NUMBL: variants seen among roughly 807,000 people sequenced by gnomAD.
NUMBL encodes the protein NUMB like endocytic adaptor protein.
NUMBL carries 20 observed loss-of-function variants against 48.9 expected under a neutral mutation model. The ratio of observed to expected loss-of-function variants is 0.41; its 90% CI spans 0.29 to 0.59. The LOEUF is 0.59. Among genes scored for constraint, NUMBL ranks in the 20% least tolerant of loss-of-function variants. NUMBL has a pLI of 0.31. For synonymous variants in NUMBL, 340 were observed against 348.7 expected (o/e 0.98, Z 0.28); for missense variants, 660 against 846.2 (o/e 0.78, Z 2.73).
In NUMBL at chr19:40,667,798, T is replaced by C; in HGVS notation, c.1500A>G (p.Pro500=). 7 of 1,583,536 alleles carry C rather than the reference T, an allele frequency of 4.4e-6. No homozygotes were observed. In the South Asian group the frequency reaches 6.9e-5, roughly 16 times the overall value. Residue 500 remains proline (P), a synonymous_variant, in exon 10 of 10, where the codon CCA becomes CCG. Transcript: ENST00000252891. This position sits in a 1 kb window ranked among gnomAD's most constrained non-coding sequence, Gnocchi z 6.1. ...CCACCACGGGCACCCGGGGCATCGG[T>C]GGGTAGCCCAAGCCCGGGTAGGCGG... ...FVPAYPGLGY[P]PMPRVPVVGI... is the part of the protein sequence containing the mutation.
intron 1 of NUMBL, among the ~76,000 whole-genome samples, chr19:40,689,294 C>T (rs1281154602): frequency 6.6e-6 from 1 of 152,140 alleles, no homozygotes; most frequent in Non-Finnish European, 1.5e-5. Flanking sequence ...CAACCATGCA[C>T]ACCTCCAAAC....
Position 40,686,918 on chromosome 19 carries a change from C to T in NUMBL, c.102G>A (p.Thr34=), listed in dbSNP as rs896233988. Residue 34 remains threonine (T), a synonymous_variant, in exon 2 of 10, where the codon ACG becomes ACA. Transcript: ENST00000252891. ...CCCAGGCTGGTCGCTCACCTGGCTC[C>T]GTCCTGCAGGTTTCTGGGGGCCCCG... ...GAPGPPETCR[T]EPDGAGTMNK... 18 of 1,541,470 alleles carry T rather than the reference C, an allele frequency of 1.2e-5. No individual in the cohort carries two copies. The East Asian group carries it at 2.2e-4, about 19-fold the overall frequency.
At chr19:40,668,568 C>T (rs572637188) in intron 9 of NUMBL, among the ~76,000 whole-genome samples, 51 of 152,264 alleles carry the variant, frequency 3.3e-4, no homozygotes, top group African/African-American at 1.2e-3. Context: ...AAGCAATTCT[C>T]GTGCCTCAGT....
At chr19:40,676,396 C>A (rs1037312415) in intron 7 of NUMBL, among the ~76,000 whole-genome samples, 3 of 151,572 alleles carry the variant, frequency 2.0e-5, no homozygotes, top group African/African-American at 7.3e-5. Context: ...TCAACTCAGA[C>A]AACAAAACAA....
At chr19:40,683,555 C>T (rs2561541) in intron 3 of NUMBL, among the ~76,000 whole-genome samples, 34,529 of 152,060 alleles carry the variant, frequency 0.23, 4,181 homozygotes, top group African/African-American at 0.31. Flanking sequence ...GGGAAGGGAA[C>T]GTAAGGTGGT....
chr19:40,678,598 T>A (rs754191313), intron 6 of NUMBL, among the ~76,000 whole-genome samples: 1 of 152,202 alleles, frequency 6.6e-6, no homozygotes, highest in Non-Finnish European at 1.5e-5. Flanking sequence ...TTTGACACCC[T>A]GACCTCAGGT....
chr19:40,687,912 C>T lies in NUMBL; in HGVS notation c.25-917G>A, dbSNP rs936440682. 1.8e-4 allele frequency among the ~76,000 whole-genome samples: 28 copies of T among 152,334 alleles called. No homozygotes were observed. Among genetic ancestry groups the T allele is most frequent in the African/African-American group, 6.7e-4 (28 of 41,574 alleles). ...GTCACACCAACACACTGTTTTTGGC[C>T]ACACACTGTCACGTGGTCACACATA... On this transcript the variant is annotated intron_variant, in intron 1 of 9. Transcript: ENST00000252891. The surrounding 1 kb of genome is among the most constrained non-coding windows in gnomAD (Gnocchi z 4.6).
intron 1 of NUMBL, among the ~76,000 whole-genome samples, chr19:40,689,405 C>A (rs1236669339): frequency 6.6e-6 from 1 of 152,048 alleles, no homozygotes; most frequent in Non-Finnish European, 1.5e-5. Context: ...ATCATAGACA[C>A]CACCACAAGC....
In NUMBL at chr19:40,669,931, C is replaced by T. The variant is rs145525278; in HGVS notation, c.1126G>A (p.Ala376Thr). Residue 376 changes from alanine (A) to threonine (T), a missense_variant, in exon 9 of 10, where the codon GCG becomes ACG. Ala to Thr is a moderately conservative substitution (Grantham distance 58, BLOSUM62 0). Around this residue, in one of 3 missense-constraint regions of NUMBL, gnomAD observed 296 missense variants for 339.7 expected, o/e 0.87. Coordinates refer to ENST00000252891, the MANE Select transcript of NUMBL (RefSeq NM_004756.5). ...QISSSFASAG[A>T]PAPGPPPATT... ...GCAGGTGGTGGCCCTGGTGCTGGCG[C>T]TCCAGCACTGGCAAAAGATGAACTG... 2.9e-5 allele frequency: 47 copies of T among 1,613,906 alleles called. No homozygotes were observed. In the Admixed American group the frequency reaches 4.0e-4, roughly 14 times the overall value.
At chr19:40,674,647 A>C (rs1433448014) in intron 7 of NUMBL, among the ~76,000 whole-genome samples, 2 of 152,078 alleles carry the variant, frequency 1.3e-5, no homozygotes, top group African/African-American at 2.4e-5. Context: ...GGCCTGGCCC[A>C]AGGCAGTGGA....
rs550605237 is a variant in NUMBL, at chr19:40,687,542, A to G, written c.25-547T>C. On this transcript the variant is annotated intron_variant, in intron 1 of 9. Transcript: ENST00000252891. This position sits in a 1 kb window ranked among gnomAD's most constrained non-coding sequence, Gnocchi z 4.6. Reference sequence around the variant, plus strand: ...CTGGCCCACTCAGTTCCCACCGCAGACACCTGGTCACACCACCCACTGAAA... The same window carrying G: ...CTGGCCCACTCAGTTCCCACCGCAGGCACCTGGTCACACCACCCACTGAAA... 6.6e-6 allele frequency among the ~76,000 whole-genome samples: 1 copy of G among 152,172 alleles called. No homozygotes were observed. The highest frequency in any genetic ancestry group is 6.5e-5 in the Admixed American group (1 of 15,280).
chr19:40,678,383 G>A (rs1019336322), intron 6 of NUMBL, among the ~76,000 whole-genome samples: 7 of 152,252 alleles, frequency 4.6e-5, no homozygotes, highest in East Asian at 1.9e-4. Flanking sequence ...GGCTGGACTC[G>A]AACTCCTGAC....
intron 7 of NUMBL, among the ~76,000 whole-genome samples, chr19:40,676,801 T>C (rs749762401): frequency 1.4e-4 from 22 of 151,964 alleles, no homozygotes; most frequent in Non-Finnish European, 1.5e-5. Context: ...ACTCTTTCCA[T>C]GGAAGTTGCT....
At chr19:40,685,792 A>G (rs2081931211) in intron 2 of NUMBL, 1 of 153,278 alleles carries the variant, frequency 6.5e-6, no homozygotes, top group African/African-American at 2.4e-5. Flanking sequence ...AGGGATCTAC[A>G]AGACTGTCTG....
At position 40,682,137 on chromosome 19, in the gene NUMBL, T is replaced by A. The variant is rs1256741875; in HGVS notation, c.399+591A>T. On this transcript the variant is annotated intron_variant, in intron 5 of 9. Transcript: ENST00000252891. This position sits in a 1 kb window ranked among gnomAD's most constrained non-coding sequence, Gnocchi z 4.0. ...ATGGTAGGGTCTATTATAATCCCTG[T>A]TTTTCTGCGATGGAGTTTAGCTCTT... 6.6e-6 allele frequency among the ~76,000 whole-genome samples: 1 copy of A among 152,128 alleles called. No individual in the cohort carries two copies. Among genetic ancestry groups the A allele is most frequent in the African/African-American group, 2.4e-5 (1 of 41,428 alleles).
intron 8 of NUMBL, 65 bp from the exon 9 acceptor site, chr19:40,670,085 A>C: frequency 3.9e-6 from 6 of 1,545,682 alleles, no homozygotes; most frequent in East Asian, 2.3e-5. Context: ...CCCGCCCTCT[A>C]CCCCCCGCCC....
In NUMBL at chr19:40,673,213, ACT is replaced by A; in HGVS notation, c.1036+129_1036+130del. 2 of 961,684 alleles carry A rather than the reference ACT, an allele frequency of 2.1e-6. No homozygotes were observed. Among genetic ancestry groups the A allele is most frequent in the Non-Finnish European group, 3.0e-6 (2 of 664,766 alleles). The allele number at this position is 961,684 out of a possible 1,614,324, so 59.6% of individuals were successfully genotyped here. On this transcript the variant is annotated intron_variant, in intron 8 of 9. Transcript: ENST00000252891. The surrounding 1 kb of genome is among the most constrained non-coding windows in gnomAD (Gnocchi z 5.9). ...TGCTAATCGATCATGACATGTTCCC[ACT>A]CTCTCTCCTTTGCCCATGGCAGACA... is the stretch of plus-strand genomic sequence containing the variant.
chr19:40,682,851 T>C lies in NUMBL; in HGVS notation c.324+43A>G, dbSNP rs2081912019. On this transcript the variant is annotated intron_variant, in intron 4 of 9. Coordinates refer to ENST00000252891, the MANE Select transcript of NUMBL (RefSeq NM_004756.5). This position sits in a 1 kb window ranked among gnomAD's most constrained non-coding sequence, Gnocchi z 4.0. ...GGAGCCGGGTCAGGGTGCCTCTCCCTGTCTGACCTTGCCCCCTCCCTCATG... is the reference window on the plus strand; with the variant it reads ...GGAGCCGGGTCAGGGTGCCTCTCCCCGTCTGACCTTGCCCCCTCCCTCATG... The C allele has an allele frequency of 6.2e-7, 1 of 1,613,954 alleles. No individual in the cohort carries two copies. The highest frequency in any genetic ancestry group is 1.3e-5 in the African/African-American group (1 of 74,922).
At chr19:40,675,502 AAATAAATAAATTAATTAATT>A (rs1268662489) in intron 7 of NUMBL, among the ~76,000 whole-genome samples, 4 of 138,328 alleles carry the variant, frequency 2.9e-5, no homozygotes, top group Non-Finnish European at 3.2e-5. Flanking sequence ...ACAGTAAAAT[AAATAAATAAATTAATTAATT>A]AATAAATAAA....
Sources: gnomAD v4.1 joint callset for allele counts (sites outside exome capture counted in the v4.1 genomes callset) on GRCh38, gnomAD v4.1.1 for gene constraint, gnomAD v4.1.1 regional missense constraint, Gnocchi (gnomAD v3.1) non-coding constraint, MANE v1.5 for transcripts, NCBI Gene and HGNC (gene_info 2026-07-23, HGNC 2026-07-21) for gene names.